The following C8B variants were observed in gnomAD, a reference collection of about 807,000 sequenced individuals.
C8B encodes complement component C8 beta chain.
Under a neutral mutation model 64.6 loss-of-function variants are expected in C8B, and 67 were observed. The ratio of observed to expected loss-of-function variants is 1.04; its 90% confidence interval spans 0.85 to 1.27. The LOEUF (loss-of-function observed/expected upper bound fraction) is 1.27, where lower values mean the gene tolerates loss of function less well. Ranked by LOEUF, C8B falls within the 50% of genes most tolerant of loss-of-function variation. The pLI is 0.00. For synonymous variants in C8B, 284 were observed against 257.7 expected (o/e 1.10, Z -0.98); for missense variants, 790 against 725.2 (o/e 1.09, Z -1.03).
intron 2 of C8B, 138 bp from the exon 3 acceptor site, chr1:56,957,048 G>C: frequency 1.2e-6 from 1 of 860,710 alleles, no homozygotes; most frequent in Non-Finnish European, 1.9e-6. Context: ...CATTCCCCCA[G>C]CCCCTTGTGC....
In C8B at chr1:56,940,991, A is replaced by G; in HGVS notation, c.1256T>C (p.Met419Thr). The change falls in exon 9 of 12, where the codon ATG (methionine) becomes ACG (threonine). Residue 419 changes from methionine (M) to threonine (T), a missense_variant. Coordinates refer to ENST00000371237, the MANE Select transcript of C8B (RefSeq NM_000066.4). ...EIKDRNKRDT[M>T]VEDLVVLVRG... ...TACCAGGACCACCAAGTCCTCCACC[A>G]TGGTGTCCCTCTTGTTTCTGTCTGG... 1 of 1,614,066 alleles carries G rather than the reference A, an allele frequency of 6.2e-7. No homozygotes were observed.
At chr1:56,940,756 A>T in intron 9 of C8B, 93 bp downstream of exon 9, 1 of 1,431,062 alleles carries the variant, frequency 7.0e-7, no homozygotes, top group African/African-American at 1.4e-5. Context: ...CCTGGGTCTT[A>T]GTGATCTCTG....
At chr1:56,949,829 C>G in intron 5 of C8B, 77 bp from the exon 6 acceptor site, 2 of 961,610 alleles carry the variant, frequency 2.1e-6, no homozygotes, top group Non-Finnish European at 1.6e-6. Flanking sequence ...GACAGCCACT[C>G]TACTCCTACC....
At chr1:56,946,188 A>G (rs1044307038) in intron 6 of C8B, 127 bp from the exon 7 acceptor site, 11 of 1,067,858 alleles carry the variant, frequency 1.0e-5, no homozygotes, top group Admixed American at 1.9e-5. Context: ...TTCCTTTAGG[A>G]TACTTGAGGG....
At chr1:56,959,624 G>A in intron 2 of C8B, 2 of 1,535,338 alleles carry the variant, frequency 1.3e-6, no homozygotes, top group Non-Finnish European at 8.7e-7. Flanking sequence ...TTCGGTCACA[G>A]GGATCCTCGA....
At chr1:56,965,396 A>AGTGTGTGT (rs762224735) in intron 1 of C8B, among the ~76,000 whole-genome samples, 185 of 84,268 alleles carry the variant, frequency 2.2e-3, no homozygotes, top group South Asian at 5.3e-3. Context: ...AGAGAGAGAG[A>AGTGTGTGT]GAGTGTGTGT....
chr1:56,957,028 G>T, intron 2 of C8B, 118 bp from the exon 3 acceptor site: 1 of 1,034,258 alleles, frequency 9.7e-7, no homozygotes. Flanking sequence ...GCACTGAAAT[G>T]TCTGATCATC....
At chr1:56,941,147 C>T in intron 8 of C8B, 135 bp from the exon 9 acceptor site, 1 of 988,494 alleles carries the variant, frequency 1.0e-6, no homozygotes, top group Admixed American at 2.0e-5. Context: ...CCAGACACTT[C>T]CTTGTCCACA....
At chr1:56,953,293 G>T (rs1645052551) in intron 4 of C8B, among the ~76,000 whole-genome samples, 1 of 152,052 alleles carries the variant, frequency 6.6e-6, no homozygotes, top group Non-Finnish European at 1.5e-5. Flanking sequence ...ATTGTCTGGG[G>T]TCTCTTTCCC....
chr1:56,936,697 C>A (rs144419614), intron 9 of C8B, among the ~76,000 whole-genome samples: 6 of 151,616 alleles, frequency 4.0e-5, no homozygotes, highest in Non-Finnish European at 5.9e-5. Flanking sequence ...TGGGTTCAAG[C>A]GATTCTCCTG....
At chr1:56,960,251 A>T in intron 1 of C8B, 75 bp from the exon 2 acceptor site, 1 of 1,340,218 alleles carries the variant, frequency 7.5e-7, no homozygotes, top group Admixed American at 1.7e-5. Context: ...CTATTTGTAC[A>T]TTCAATAAAT....
chr1:56,954,621 T>C (rs1645074869), intron 4 of C8B, 65 bp downstream of exon 4: 10 of 1,596,032 alleles, frequency 6.3e-6, no homozygotes, highest in Admixed American at 1.7e-5. Context: ...TCTCATTCTC[T>C]ATCCGCCAGA....
intron 9 of C8B, among the ~76,000 whole-genome samples, chr1:56,938,780 T>C (rs960244308): frequency 7.9e-5 from 12 of 152,226 alleles, no homozygotes; most frequent in Non-Finnish European, 1.3e-4. Context: ...GCTTGTCTAC[T>C]GGGCTCTGCT....
At chr1:56,962,803 T>C (rs1185094540) in intron 1 of C8B, among the ~76,000 whole-genome samples, 1 of 152,232 alleles carries the variant, frequency 6.6e-6, no homozygotes, top group Non-Finnish European at 1.5e-5. Flanking sequence ...CAGTCTCTTT[T>C]AGATAATTTG....
At chr1:56,931,725 C>T in intron 11 of C8B, 85 bp downstream of exon 11, 1 of 884,192 alleles carries the variant, frequency 1.1e-6, no homozygotes, top group Non-Finnish European at 1.9e-6. Context: ...TAGTATCCAG[C>T]CCCACACTCC....
At chr1:56,954,402 C>A (rs1460044059) in intron 4 of C8B, among the ~76,000 whole-genome samples, 4 of 152,224 alleles carry the variant, frequency 2.6e-5, no homozygotes, top group African/African-American at 9.6e-5. Context: ...CCCCTCCCTA[C>A]CCCAGCCCTT....
intron 2 of C8B, among the ~76,000 whole-genome samples, chr1:56,958,953 A>G (rs374011029): frequency 2.6e-5 from 4 of 152,138 alleles, no homozygotes; most frequent in Non-Finnish European, 5.9e-5. Context: ...TGGCATATCT[A>G]TTGTTCTCAG....
chr1:56,962,285 G>T (rs556278197), intron 1 of C8B, among the ~76,000 whole-genome samples: 1 of 152,312 alleles, frequency 6.6e-6, no homozygotes, highest in South Asian at 2.1e-4. Context: ...GCAATATAAT[G>T]AAGTAACCAG....
chr1:56,937,442 A>G (rs935380591), intron 9 of C8B, among the ~76,000 whole-genome samples: 1 of 152,158 alleles, frequency 6.6e-6, no homozygotes, highest in African/African-American at 2.4e-5. Flanking sequence ...ATCATGACCT[A>G]TGCTATCCTG....
Sources: gnomAD v4.1 joint callset for allele counts (sites outside exome capture counted in the v4.1 genomes callset) on GRCh38, gnomAD v4.1.1 for gene constraint, MANE v1.5 for transcripts, NCBI Gene and HGNC (gene_info 2026-07-23, HGNC 2026-07-21) for gene names.